PTPRO: variants seen among roughly 807,000 people sequenced by gnomAD.
The protein encoded by PTPRO is protein tyrosine phosphatase receptor type O.
A neutral mutation model predicts 145.2 loss-of-function variants in PTPRO; 62 were observed. That is an observed-to-expected ratio of 0.43 (90% CI 0.35 to 0.53). The LOEUF is 0.53. Ranked by LOEUF, PTPRO falls within the 20% of genes least tolerant of loss-of-function variation. The pLI is 0.01. For synonymous variants in PTPRO, 565 were observed against 514.7 expected (o/e 1.10, Z -1.32); for missense variants, 1,345 against 1,482.7 (o/e 0.91, Z 1.53).
intron 12 of PTPRO, among the ~76,000 whole-genome samples, chr12:15,529,616 C>T (rs1178781018): frequency 6.6e-6 from 1 of 152,086 alleles, no homozygotes; most frequent in Non-Finnish European, 1.5e-5. Context: ...TAACACTGCA[C>T]TCCAGCCTGC....
intron 8 of PTPRO, 39 bp from the exon 9 acceptor site, chr12:15,516,724 T>A: frequency 6.5e-7 from 1 of 1,539,118 alleles, no homozygotes; most frequent in Non-Finnish European, 9.0e-7. Flanking sequence ...ACATTCCTTC[T>A]TAACTTTCTT....
rs1172780439 is a variant in PTPRO at position 15,480,899 on chromosome 12, G to GT, written c.76-3073dup. Reference sequence around the variant, plus strand: ...CTGCCCTCCAAAATCTCTCTGCTTTGTTCATGATTCAGTCTTTAGTCAGTT... The same window carrying GT: ...CTGCCCTCCAAAATCTCTCTGCTTTGTTTCATGATTCAGTCTTTAGTCAGTT... On this transcript the variant is annotated intron_variant, in intron 1 of 26. Coordinates refer to ENST00000281171, the MANE Select transcript of PTPRO (RefSeq NM_030667.3). 7.9e-5 allele frequency among the ~76,000 whole-genome samples: 12 copies of GT among 152,240 alleles called. No homozygotes were observed. In the East Asian group the frequency reaches 1.9e-3, roughly 24 times the overall value.
At chr12:15,382,022 A>G (rs1938876939) in intron 1 of PTPRO, among the ~76,000 whole-genome samples, 1 of 151,896 alleles carries the variant, frequency 6.6e-6, no homozygotes, top group Non-Finnish European at 1.5e-5. Context: ...TATTATTTTT[A>G]TAATCTTCAT....
chr12:15,387,934 A>G (rs145366457), intron 1 of PTPRO, among the ~76,000 whole-genome samples: 117 of 152,320 alleles, frequency 7.7e-4, no homozygotes, highest in African/African-American at 2.3e-3. Context: ...TATAGAGACT[A>G]GAGCAGTACA....
Position 15,556,746 on chromosome 12 carries a change from A to C in PTPRO, c.2559-709A>C, listed in dbSNP as rs191793149. Among the ~76,000 whole-genome samples, 7 of 152,346 alleles carry C rather than the reference A, an allele frequency of 4.6e-5. No homozygotes were observed. In the East Asian group the frequency reaches 1.3e-3, roughly 29 times the overall value. On this transcript the variant is annotated intron_variant, in intron 15 of 26. Coordinates refer to ENST00000281171, the MANE Select transcript of PTPRO (RefSeq NM_030667.3). ...AAAATGCCATAAACAAAACCCTACA[A>C]AGAATTTTTGCTAAAGATGGAAAAT...
At chr12:15,412,409 G>T (rs1939825207) in intron 1 of PTPRO, among the ~76,000 whole-genome samples, 2 of 152,180 alleles carry the variant, frequency 1.3e-5, no homozygotes, top group Admixed American at 6.5e-5. Flanking sequence ...CTATCATGGG[G>T]TCATTGGATA....
rs2135561900 is a variant in PTPRO at position 15,551,735 on chromosome 12, T to A, written c.2558+64T>A. The stretch of plus-strand genomic sequence containing the variant: ...AAAATATCTTTATCTGCCATATATA[T>A]ATTGTTTTTGCACACCTAAGTTGTA... On this transcript the variant is annotated intron_variant, in intron 15 of 26. Coordinates refer to ENST00000281171, the MANE Select transcript of PTPRO (RefSeq NM_030667.3). 1.0e-5 allele frequency: 16 copies of A among 1,568,684 alleles called. No individual in the cohort carries two copies. The South Asian group carries it at 1.3e-4, about 13-fold the overall frequency.
At chr12:15,573,781 G>A (rs899886833) in intron 19 of PTPRO, among the ~76,000 whole-genome samples, 8 of 152,258 alleles carry the variant, frequency 5.3e-5, no homozygotes, top group African/African-American at 9.6e-5. Context: ...CAGGGTCAGC[G>A]TCAGGGTTTC....
chr12:15,532,853 T>C (rs1473727590), intron 12 of PTPRO, among the ~76,000 whole-genome samples: 5 of 152,176 alleles, frequency 3.3e-5, no homozygotes, highest in Admixed American at 2.6e-4. Flanking sequence ...ATATTCCCAA[T>C]GTCTTCCTTT....
intron 12 of PTPRO, among the ~76,000 whole-genome samples, chr12:15,532,352 A>G (rs980192306): frequency 2.0e-5 from 3 of 152,116 alleles, no homozygotes; most frequent in East Asian, 3.9e-4. Context: ...AAAACTTTCA[A>G]TATTATGTAG....
At chr12:15,447,234 T>TG (rs112783036) in intron 1 of PTPRO, among the ~76,000 whole-genome samples, 2 of 151,896 alleles carry the variant, frequency 1.3e-5, no homozygotes, top group Non-Finnish European at 2.9e-5. Context: ...ATGGATTTCA[T>TG]GGGGGGGAGG....
At chr12:15,519,301 G>A (rs557725448) in intron 9 of PTPRO, among the ~76,000 whole-genome samples, 1 of 152,214 alleles carries the variant, frequency 6.6e-6, no homozygotes, top group South Asian at 2.1e-4. Flanking sequence ...TCTCCCACTG[G>A]GCCCCTCCCA....
At chr12:15,505,275 G>C (rs1201277339) in intron 6 of PTPRO, among the ~76,000 whole-genome samples, 1 of 152,132 alleles carries the variant, frequency 6.6e-6, no homozygotes, top group Non-Finnish European at 1.5e-5. Context: ...TAACTTATTA[G>C]TGTGTGGTAT....
At chr12:15,571,429 A>T (rs1270566086) in intron 19 of PTPRO, among the ~76,000 whole-genome samples, 6 of 152,146 alleles carry the variant, frequency 3.9e-5, no homozygotes, top group African/African-American at 1.4e-4. Context: ...CTGGGACTAC[A>T]GTTGCCCACC....
At chr12:15,532,580 C>T (rs1010815930) in intron 12 of PTPRO, among the ~76,000 whole-genome samples, 24 of 152,158 alleles carry the variant, frequency 1.6e-4, no homozygotes, top group African/African-American at 5.3e-4. Context: ...CTCAAGGGGG[C>T]ACTAGTGCCC....
chr12:15,575,363 C>A (rs572726648), intron 19 of PTPRO, among the ~76,000 whole-genome samples: 2 of 152,322 alleles, frequency 1.3e-5, no homozygotes, highest in African/African-American at 4.8e-5. Flanking sequence ...CCTCTGTGAG[C>A]AGGCTAGTTG....
chr12:15,330,868 C>T (rs1866589195), intron 1 of PTPRO, among the ~76,000 whole-genome samples: 1 of 152,154 alleles, frequency 6.6e-6, no homozygotes, highest in South Asian at 2.1e-4. Context: ...ATTTCATTCT[C>T]TGGGATTTTC....
chr12:15,384,656 T>C (rs920313719), intron 1 of PTPRO, among the ~76,000 whole-genome samples: 1 of 152,132 alleles, frequency 6.6e-6, no homozygotes, highest in East Asian at 1.9e-4. Flanking sequence ...TGCCGTTACA[T>C]TGGGGGTTAG....
At chr12:15,525,313 G>A (rs1469586001) in intron 11 of PTPRO, among the ~76,000 whole-genome samples, 2 of 152,116 alleles carry the variant, frequency 1.3e-5, no homozygotes, top group African/African-American at 4.8e-5. Flanking sequence ...TGGGGACCTT[G>A]GGACTACTGA....
Sources: allele counts gnomAD v4.1 joint callset (sites outside exome capture counted in the v4.1 genomes callset), GRCh38; gene constraint gnomAD v4.1.1; transcripts MANE v1.5; gene names NCBI Gene and HGNC (gene_info 2026-07-23, HGNC 2026-07-21).